The following HSD17B12 variants were observed in gnomAD, a reference collection of about 807,000 sequenced individuals.
HSD17B12 encodes very-long-chain 3-oxoacyl-CoA reductase.
In HSD17B12, 32 loss-of-function variants were observed where a neutral mutation model predicts 39.3. The observed-to-expected ratio is 0.81, with a 90% confidence interval of 0.61 to 1.09. HSD17B12 has a LOEUF of 1.09. Among genes scored for constraint, HSD17B12 ranks in the 50% least tolerant of loss-of-function variants. The pLI, the probability that HSD17B12 is intolerant of heterozygous loss-of-function variation, is 0.00. For synonymous variants in HSD17B12, 150 were observed against 146.7 expected (o/e 1.02, Z -0.16); for missense variants, 342 against 382.9 (o/e 0.89, Z 0.89).
intron 9 of HSD17B12, among the ~76,000 whole-genome samples, chr11:43,851,115 A>T (rs930772756): frequency 1.3e-5 from 2 of 152,202 alleles, no homozygotes; most frequent in African/African-American, 4.8e-5. Context: ...TTGTTTTAAA[A>T]TAGGCTGAGC....
chr11:43,810,367 T>TTATATATA (rs59970877), intron 4 of HSD17B12, among the ~76,000 whole-genome samples: 2,265 of 58,742 alleles, frequency 0.039, 27 homozygotes, highest in Admixed American at 0.067. Context: ...AATTTAGAAA[T>TTATATATA]TATATATATA....
At chr11:43,780,496 T>C (rs1243924933) in intron 3 of HSD17B12, among the ~76,000 whole-genome samples, 2 of 152,150 alleles carry the variant, frequency 1.3e-5, no homozygotes, top group Non-Finnish European at 2.9e-5. Context: ...ATCATACATA[T>C]GTTACATATG....
At position 43,774,246 on chromosome 11, in the gene HSD17B12, G is replaced by A. The variant is rs537333941; in HGVS notation, c.283+20125G>A. Among the ~76,000 whole-genome samples the A allele has an allele frequency of 4.9e-4, 73 of 150,504 alleles. 1 individual carries two copies. Among genetic ancestry groups the A allele is most frequent in the African/African-American group, 1.5e-3 (63 of 40,876 alleles). The stretch of plus-strand genomic sequence containing the variant: ...TTTTTTTTTTTTGAGATGGAGTCTC[G>A]CTCTGTCACCCAGCTGGAGTGCAGT... On this transcript the variant is annotated intron_variant, in intron 3 of 10. Transcript: ENST00000278353.
chr11:43,678,483 G>T (rs1227268233), upstream of HSD17B12, among the ~76,000 whole-genome samples: 48 of 152,256 alleles, frequency 3.2e-4, no homozygotes, highest in Non-Finnish European at 5.3e-4. Flanking sequence ...ATTGCTTTTG[G>T]TGCTTTAGAC....
chr11:43,829,727 A>G (rs994589198), intron 6 of HSD17B12: 2 of 151,970 alleles, frequency 1.3e-5, no homozygotes, highest in Non-Finnish European at 2.9e-5. Flanking sequence ...AGACATTTTT[A>G]TTACCAGTCT....
chr11:43,652,996 A>G, the HSD17B12 span, among the ~76,000 whole-genome samples: 2 of 152,104 alleles, frequency 1.3e-5, no homozygotes, highest in African/African-American at 4.8e-5. Context: ...TTTTTCTTCC[A>G]GGGTATGGGG....
At chr11:43,635,302 G>A in the HSD17B12 span, among the ~76,000 whole-genome samples, 1,073 of 152,268 alleles carry the variant, frequency 7.0e-3, 4 homozygotes, top group Non-Finnish European at 0.013. Context: ...ATGCACAAGA[G>A]GGGAGCCTGG....
chr11:43,735,498 A>G (rs1387720549), intron 1 of HSD17B12, among the ~76,000 whole-genome samples: 3 of 152,124 alleles, frequency 2.0e-5, no homozygotes, highest in Admixed American at 6.5e-5. Flanking sequence ...CATTTCTCTA[A>G]TAATGTTGAG....
chr11:43,732,537 A>T (rs991334352), intron 1 of HSD17B12, among the ~76,000 whole-genome samples: 1 of 151,156 alleles, frequency 6.6e-6, no homozygotes, highest in African/African-American at 2.4e-5. Context: ...GTCATAACTC[A>T]CTGCTGCCTC....
chr11:43,742,019 C>G (rs959663991), intron 1 of HSD17B12, among the ~76,000 whole-genome samples: 6 of 149,698 alleles, frequency 4.0e-5, no homozygotes, highest in African/African-American at 1.5e-4. Context: ...CAGGCGTGAG[C>G]CACCGCGCCC....
chr11:43,780,661 CATTGCCACTGGG>C (rs1417370234), intron 3 of HSD17B12, among the ~76,000 whole-genome samples: 1 of 152,056 alleles, frequency 6.6e-6, no homozygotes, highest in Non-Finnish European at 1.5e-5. Context: ...CTGTCTTTAC[CATTGCCACTGGG>C]ATAAAATAGG....
chr11:43,848,272 T>A (rs933755663), intron 9 of HSD17B12, among the ~76,000 whole-genome samples: 2 of 152,180 alleles, frequency 1.3e-5, no homozygotes, highest in African/African-American at 4.8e-5. Context: ...TGGACTCAGA[T>A]CCCTTCCAAC....
chr11:43,619,248 AT>A, the HSD17B12 span, among the ~76,000 whole-genome samples: 1 of 44,750 alleles, frequency 2.2e-5, no homozygotes, highest in African/African-American at 6.4e-5. Flanking sequence ...TATATAAAAT[AT>A]ATATATATAT....
intron 3 of HSD17B12, among the ~76,000 whole-genome samples, chr11:43,797,300 T>G (rs970808471): frequency 7.9e-5 from 12 of 152,344 alleles, no homozygotes; most frequent in African/African-American, 2.9e-4. Context: ...TTCTTTTGAA[T>G]TCTCAGCAAG....
chr11:43,714,103 G>T (rs978137881), intron 1 of HSD17B12, among the ~76,000 whole-genome samples: 34 of 152,204 alleles, frequency 2.2e-4, no homozygotes, highest in Non-Finnish European at 4.4e-4. Context: ...AGTTTCTTTT[G>T]CTGTGCAGAA....
the HSD17B12 span, among the ~76,000 whole-genome samples, chr11:43,672,526 A>C: frequency 6.6e-6 from 1 of 152,122 alleles, no homozygotes; most frequent in Non-Finnish European, 1.5e-5. Context: ...TTGATATTGC[A>C]ATATTAAAGC....
chr11:43,691,281 C>T (rs1453280401), intron 1 of HSD17B12, among the ~76,000 whole-genome samples: 2 of 152,188 alleles, frequency 1.3e-5, no homozygotes, highest in African/African-American at 4.8e-5. Flanking sequence ...TTCAGCAACA[C>T]TGGCACAGTC....
intron 3 of HSD17B12, among the ~76,000 whole-genome samples, chr11:43,758,744 T>C (rs1950532726): frequency 6.6e-6 from 1 of 152,174 alleles, no homozygotes; most frequent in African/African-American, 2.4e-5. Context: ...TACTCATCAT[T>C]TCTGCCAAAC....
intron 3 of HSD17B12, 70 bp from the exon 4 acceptor site, chr11:43,798,250 A>G (rs1950931936): frequency 1.2e-6 from 1 of 841,894 alleles, no homozygotes; most frequent in African/African-American, 1.7e-5. Context: ...ATGCTATCAA[A>G]TGCCTTAATC....
Sources: allele counts gnomAD v4.1 joint callset (sites outside exome capture counted in the v4.1 genomes callset), GRCh38; gene constraint gnomAD v4.1.1; transcripts MANE v1.5; gene names NCBI Gene and HGNC (gene_info 2026-07-23, HGNC 2026-07-21).